Variants in GLIS3 observed in about 807,000 individuals in gnomAD.
GLIS3 encodes zinc finger protein GLIS3.
Under a neutral mutation model 78.6 loss-of-function variants are expected in GLIS3, and 53 were observed. The observed-to-expected ratio is 0.67, with a 90% CI of 0.54 to 0.85. The LOEUF (loss-of-function observed/expected upper bound fraction) is 0.85, where lower values mean the gene tolerates loss of function less well. Among genes scored for constraint, GLIS3 ranks in the 40% least tolerant of loss-of-function variants. GLIS3 has a pLI of 0.00. For missense variants in GLIS3, 1,703 were observed against 1,231.1 expected (o/e 1.38, Z -5.74); for synonymous variants, 684 against 509.9 (o/e 1.34, Z -4.60).
chr9:4,165,662 C>T (rs926014244), intron 2 of GLIS3, among the ~76,000 whole-genome samples: 8 of 152,174 alleles, frequency 5.3e-5, no homozygotes, highest in Admixed American at 3.9e-4. Flanking sequence ...ACTCCAGTCA[C>T]CTAAGATGCC....
chr9:3,921,877 G>C (rs999224383), intron 6 of GLIS3, among the ~76,000 whole-genome samples: 3 of 150,622 alleles, frequency 2.0e-5, no homozygotes, highest in African/African-American at 4.9e-5. Flanking sequence ...AGCAATCTAA[G>C]AACTGTATAT....
At chr9:4,462,796 C>A in the GLIS3 span, among the ~76,000 whole-genome samples, 21 of 152,062 alleles carry the variant, frequency 1.4e-4, no homozygotes, top group African/African-American at 5.1e-4. Context: ...AGCAACACAG[C>A]AAGATCTTGC....
intron 2 of GLIS3, among the ~76,000 whole-genome samples, chr9:4,212,228 G>C (rs937567854): frequency 2.6e-5 from 4 of 152,194 alleles, no homozygotes; most frequent in South Asian, 2.1e-4. Context: ...CTTTCTTCAA[G>C]GACTGACTTT....
intron 4 of GLIS3, among the ~76,000 whole-genome samples, chr9:4,003,374 G>C (rs142325614): frequency 6.6e-6 from 1 of 152,140 alleles, no homozygotes; most frequent in Non-Finnish European, 1.5e-5. Context: ...CAGAGATAGA[G>C]GTAGGAGACA....
intron 4 of GLIS3, among the ~76,000 whole-genome samples, chr9:4,017,435 C>T (rs1029607238): frequency 8.5e-5 from 13 of 152,082 alleles, no homozygotes; most frequent in Non-Finnish European, 1.5e-4. Context: ...TGGAAGCTTG[C>T]GTGCACACAC....
chr9:4,208,978 T>G (rs1160703616), intron 2 of GLIS3, among the ~76,000 whole-genome samples: 5 of 152,198 alleles, frequency 3.3e-5, no homozygotes, highest in Non-Finnish European at 7.3e-5. Flanking sequence ...CATAAAGCAC[T>G]CTTGAGAACA....
At chr9:4,171,529 A>C (rs900133452) in intron 2 of GLIS3, among the ~76,000 whole-genome samples, 6 of 152,204 alleles carry the variant, frequency 3.9e-5, no homozygotes, top group African/African-American at 1.4e-4. Flanking sequence ...GCAGACTTCA[A>C]AATTTGGAAT....
At chr9:3,973,923 T>A (rs746059287) in intron 4 of GLIS3, among the ~76,000 whole-genome samples, 8 of 152,202 alleles carry the variant, frequency 5.3e-5, no homozygotes, top group Non-Finnish European at 1.0e-4. Flanking sequence ...AAATTTTTTA[T>A]TGTAATCTCA....
intron 6 of GLIS3, among the ~76,000 whole-genome samples, chr9:3,922,860 G>A (rs773170777): frequency 3.3e-5 from 5 of 152,116 alleles, no homozygotes; most frequent in Non-Finnish European, 7.4e-5. Flanking sequence ...TCAACTTTAT[G>A]GTTGGAAAGA....
At chr9:4,335,906 A>G (rs115727415) in intron 2 of GLIS3, among the ~76,000 whole-genome samples, 417 of 152,306 alleles carry the variant, frequency 2.7e-3, no homozygotes, top group Middle Eastern at 0.017. Flanking sequence ...TAGTTAATAC[A>G]GAGCTATGAC....
At chr9:4,470,197 A>G in the GLIS3 span, among the ~76,000 whole-genome samples, 3 of 152,296 alleles carry the variant, frequency 2.0e-5, no homozygotes, top group East Asian at 5.8e-4. Context: ...TGGTACCATT[A>G]CTTCTGAAAC....
chr9:3,840,508 C>T (rs955608719), intron 9 of GLIS3, among the ~76,000 whole-genome samples: 5 of 152,258 alleles, frequency 3.3e-5, no homozygotes, highest in South Asian at 2.1e-4. Context: ...GATTTTTCTG[C>T]GGGCTGAGAA....
chr9:3,832,524 T>C (rs568788455), intron 9 of GLIS3, among the ~76,000 whole-genome samples: 28 of 152,128 alleles, frequency 1.8e-4, no homozygotes, highest in Non-Finnish European at 3.5e-4. Flanking sequence ...TCATTTACCC[T>C]ATTGGGGGCT....
At chr9:3,935,137 T>C (rs1563867389) in intron 5 of GLIS3, among the ~76,000 whole-genome samples, 1 of 152,274 alleles carries the variant, frequency 6.6e-6, no homozygotes, top group East Asian at 1.9e-4. Flanking sequence ...TAAGGAGTGA[T>C]TAATGAAAGG....
chr9:4,240,315 C>T (rs1465892370), intron 2 of GLIS3, among the ~76,000 whole-genome samples: 1 of 152,080 alleles, frequency 6.6e-6, no homozygotes, highest in Non-Finnish European at 1.5e-5. Flanking sequence ...ATAGGGTTTG[C>T]GCTCTTATGA....
At chr9:4,468,210 T>C in the GLIS3 span, among the ~76,000 whole-genome samples, 1 of 152,230 alleles carries the variant, frequency 6.6e-6, no homozygotes, top group Non-Finnish European at 1.5e-5. Context: ...GAAAACACTC[T>C]GCAGGATATT....
intron 1 of GLIS3, among the ~76,000 whole-genome samples, chr9:4,287,404 C>G (rs1433072274): frequency 1.3e-5 from 2 of 152,190 alleles, no homozygotes; most frequent in African/African-American, 4.8e-5. Flanking sequence ...GACGTCATCA[C>G]CCACCCACGT....
chr9:3,946,583 A>T (rs1304225617), intron 4 of GLIS3, among the ~76,000 whole-genome samples: 1 of 152,212 alleles, frequency 6.6e-6, no homozygotes, highest in East Asian at 1.9e-4. Context: ...CCATGTAGGA[A>T]AAATACTAAT....
At chr9:4,287,521 T>G (rs577907584) in intron 1 of GLIS3, among the ~76,000 whole-genome samples, 1 of 152,342 alleles carries the variant, frequency 6.6e-6, no homozygotes, top group East Asian at 1.9e-4. Flanking sequence ...TGTGCCACTA[T>G]GCCAAATGTA....
Sources: gnomAD v4.1 joint callset for allele counts (sites outside exome capture counted in the v4.1 genomes callset) on GRCh38, gnomAD v4.1.1 for gene constraint, MANE v1.5 for transcripts, NCBI Gene and HGNC (gene_info 2026-07-23, HGNC 2026-07-21) for gene names.